Variants in KCNQ3 observed in about 807,000 individuals in gnomAD.
The protein encoded by KCNQ3 is potassium voltage-gated channel subfamily Q member 3, also known as potassium voltage-gated channel subfamily KQT member 3.
A neutral mutation model predicts 92.5 loss-of-function variants in KCNQ3; 30 were observed. That is an observed-to-expected ratio of 0.32 (90% CI 0.24 to 0.44). KCNQ3 has a LOEUF of 0.44. Among genes scored for constraint, KCNQ3 ranks in the 20% least tolerant of loss-of-function variants. KCNQ3 has a pLI of 1.00. For synonymous variants in KCNQ3, 450 were observed against 468.8 expected (o/e 0.96, Z 0.52); for missense variants, 913 against 1,140.3 (o/e 0.80, Z 2.87).
intron 1 of KCNQ3, among the ~76,000 whole-genome samples, chr8:132,468,411 G>A (rs1289488183): frequency 6.6e-6 from 1 of 152,190 alleles, no homozygotes; most frequent in East Asian, 1.9e-4. Flanking sequence ...CATCAAGGCA[G>A]AAATAAACTT....
chr8:132,141,000 C>A (rs976610474), intron 10 of KCNQ3, 129 bp downstream of exon 10: 9 of 839,604 alleles, frequency 1.1e-5, no homozygotes, highest in Non-Finnish European at 1.8e-5. Context: ...GTTGGCTTGT[C>A]GAGGGAAGGG....
intron 1 of KCNQ3, among the ~76,000 whole-genome samples, chr8:132,268,762 G>A (rs1478965010): frequency 6.6e-6 from 1 of 152,148 alleles, no homozygotes; most frequent in Non-Finnish European, 1.5e-5. Context: ...CACAATTGCT[G>A]GATCATATGC....
chr8:132,444,912 A>G (rs1236504486), intron 1 of KCNQ3, among the ~76,000 whole-genome samples: 1 of 152,210 alleles, frequency 6.6e-6, no homozygotes, highest in Admixed American at 6.5e-5. Context: ...TGCTTTGTAA[A>G]TTACAAAGGA....
intron 1 of KCNQ3, among the ~76,000 whole-genome samples, chr8:132,276,917 T>G (rs1033615607): frequency 1.3e-5 from 2 of 152,188 alleles, no homozygotes; most frequent in Admixed American, 6.5e-5. Flanking sequence ...TCATAATAAA[T>G]ATGGAATGCT....
At chr8:132,206,162 G>C (rs1434212649) in intron 1 of KCNQ3, among the ~76,000 whole-genome samples, 1 of 152,150 alleles carries the variant, frequency 6.6e-6, no homozygotes, top group African/African-American at 2.4e-5. Flanking sequence ...GGGGCTTCTA[G>C]TCCAGAGCCT....
chr8:132,141,021 C>G, intron 10 of KCNQ3, 108 bp downstream of exon 10: 1 of 1,002,418 alleles, frequency 1.0e-6, no homozygotes, highest in Non-Finnish European at 1.6e-6. Flanking sequence ...AGAGAGTTAC[C>G]TTGTGGAGTC....
intron 1 of KCNQ3, among the ~76,000 whole-genome samples, chr8:132,456,941 G>A (rs954798365): frequency 1.3e-5 from 2 of 152,196 alleles, no homozygotes; most frequent in African/African-American, 4.8e-5. Context: ...AAAAACTACT[G>A]TGAACTACAC....
intron 1 of KCNQ3, among the ~76,000 whole-genome samples, chr8:132,246,275 A>G (rs1260138599): frequency 1.3e-5 from 2 of 152,258 alleles, no homozygotes; most frequent in Admixed American, 6.5e-5. Context: ...GCTTCGAAAT[A>G]GCCAAATGGG....
chr8:132,186,034 C>T, intron 2 of KCNQ3, 57 bp downstream of exon 2: 1 of 1,355,294 alleles, frequency 7.4e-7, no homozygotes, highest in South Asian at 1.2e-5. Context: ...AGGGCAACCT[C>T]CTTTTCATCA....
intron 1 of KCNQ3, among the ~76,000 whole-genome samples, chr8:132,441,075 A>C (rs561601231): frequency 6.6e-6 from 1 of 152,352 alleles, no homozygotes; most frequent in East Asian, 1.9e-4. Context: ...CAAGAGGAGA[A>C]GTAACTTACC....
At chr8:132,265,212 C>G (rs576512660) in intron 1 of KCNQ3, among the ~76,000 whole-genome samples, 20 of 152,342 alleles carry the variant, frequency 1.3e-4, no homozygotes, top group African/African-American at 4.8e-4. Flanking sequence ...TCAACTGGGC[C>G]TGGTGGTTTT....
chr8:132,224,939 T>C lies in KCNQ3; in HGVS notation c.387-38758A>G, dbSNP rs917868288. 2.0e-5 allele frequency among the ~76,000 whole-genome samples: 3 copies of C among 152,330 alleles called. No homozygotes were observed. The East Asian group carries it at 5.8e-4, about 29-fold the overall frequency. On this transcript the variant is annotated intron_variant, in intron 1 of 14. Coordinates refer to ENST00000388996, the MANE Select transcript of KCNQ3 (RefSeq NM_004519.4). ...GTATACTGTGTTCCAAGCATTATAC[T>C]AGGCACCAGTAGAATGATTAACAGA... is the stretch of plus-strand genomic sequence containing the variant.
chr8:132,208,209 A>G (rs753720274), intron 1 of KCNQ3, among the ~76,000 whole-genome samples: 10 of 152,148 alleles, frequency 6.6e-5, no homozygotes, highest in Non-Finnish European at 1.2e-4. Context: ...TAAGATATGC[A>G]TGGCCTTATA....
intron 6 of KCNQ3, among the ~76,000 whole-genome samples, chr8:132,173,175 T>C (rs899703638): frequency 1.3e-5 from 2 of 152,176 alleles, no homozygotes; most frequent in African/African-American, 4.8e-5. Context: ...CTTCCCAGAA[T>C]TGGGATCTGT....
intron 6 of KCNQ3, 151 bp from the exon 7 acceptor site, chr8:132,172,844 C>A: frequency 1.5e-6 from 1 of 685,998 alleles, no homozygotes; most frequent in Non-Finnish European, 2.7e-6. Context: ...GGGGAAAGAG[C>A]CCTTCCTTCT....
chr8:132,135,229 T>C (rs1286863432), intron 12 of KCNQ3, among the ~76,000 whole-genome samples: 1 of 152,230 alleles, frequency 6.6e-6, no homozygotes, highest in African/African-American at 2.4e-5. Context: ...GCTCCAACCA[T>C]GTTCCTGCAA....
chr8:132,418,513 C>G (rs959912523), intron 1 of KCNQ3, among the ~76,000 whole-genome samples: 1 of 152,218 alleles, frequency 6.6e-6, no homozygotes, highest in Non-Finnish European at 1.5e-5. Context: ...TGGCCGGGCA[C>G]AGTGGTTCAC....
At chr8:132,167,663 C>G (rs778767449) in intron 8 of KCNQ3, among the ~76,000 whole-genome samples, 1 of 152,142 alleles carries the variant, frequency 6.6e-6, no homozygotes, top group Non-Finnish European at 1.5e-5. Context: ...ATTATACTTT[C>G]GTCCTTGAAA....
intron 2 of KCNQ3, among the ~76,000 whole-genome samples, chr8:132,184,719 A>G (rs754455340): frequency 3.9e-4 from 59 of 152,186 alleles, no homozygotes; most frequent in Non-Finnish European, 7.6e-4. Context: ...TTGGGTTGAA[A>G]AGAGAGATAT....
Sources: gnomAD v4.1 joint callset for allele counts (sites outside exome capture counted in the v4.1 genomes callset) on GRCh38, gnomAD v4.1.1 for gene constraint, MANE v1.5 for transcripts, NCBI Gene and HGNC (gene_info 2026-07-23, HGNC 2026-07-21) for gene names.